RBMS3: variants seen among roughly 807,000 people sequenced by gnomAD.
The protein encoded by RBMS3 is RNA-binding motif, single-stranded-interacting protein 3.
In RBMS3, 27 loss-of-function variants were observed where a neutral mutation model predicts 66.8. The ratio of observed to expected loss-of-function variants is 0.40; its 90% CI spans 0.30 to 0.56. The LOEUF is 0.56. Among genes scored for constraint, RBMS3 ranks in the 20% least tolerant of loss-of-function variants. The pLI, the probability that RBMS3 is intolerant of heterozygous loss-of-function variation, is 0.40. For synonymous variants in RBMS3, 188 were observed against 183.0 expected, an observed-to-expected ratio of 1.03 and a Z score of -0.22; for missense variants, 513 against 549.5, an observed-to-expected ratio of 0.93 and a Z score of 0.66.
At chr3:29,961,497 C>G (rs992920063) in intron 12 of RBMS3, among the ~76,000 whole-genome samples, 1 of 152,128 alleles carries the variant, frequency 6.6e-6, no homozygotes, top group Non-Finnish European at 1.5e-5. Context: ...TACCAATTTA[C>G]TATACTAGTC....
intron 12 of RBMS3, among the ~76,000 whole-genome samples, chr3:29,985,810 C>T (rs1191990567): frequency 4.6e-5 from 7 of 152,124 alleles, no homozygotes; most frequent in African/African-American, 1.7e-4. Flanking sequence ...TTGCCAACTA[C>T]CCCCAATGCT....
At chr3:29,886,802 T>C (rs1463768125) in intron 8 of RBMS3, among the ~76,000 whole-genome samples, 2 of 151,710 alleles carry the variant, frequency 1.3e-5, no homozygotes, top group African/African-American at 4.8e-5. Flanking sequence ...TAAGAGGATA[T>C]TAAAATAGTA....
At chr3:29,655,278 C>T (rs931328396) in intron 4 of RBMS3, among the ~76,000 whole-genome samples, 1 of 152,070 alleles carries the variant, frequency 6.6e-6, no homozygotes, top group South Asian at 2.1e-4. Context: ...TTTAGCTCCC[C>T]GTCTGCAGGG....
intron 3 of RBMS3, among the ~76,000 whole-genome samples, chr3:29,492,001 AAAAAG>A (rs1402666878): frequency 6.6e-6 from 1 of 152,134 alleles, no homozygotes; most frequent in African/African-American, 2.4e-5. Flanking sequence ...TCGAAAAAAA[AAAAAG>A]AAATTGGACA....
chr3:29,740,829 C>G (rs2054606179), intron 5 of RBMS3, among the ~76,000 whole-genome samples: 1 of 152,054 alleles, frequency 6.6e-6, no homozygotes, highest in South Asian at 2.1e-4. Flanking sequence ...ATCACAAGGT[C>G]AGGAGTTCGA....
intron 2 of RBMS3, among the ~76,000 whole-genome samples, chr3:29,467,746 T>C (rs1415800441): frequency 2.0e-5 from 3 of 152,170 alleles, no homozygotes; most frequent in Admixed American, 6.5e-5. Context: ...AGTAATCTAG[T>C]AGAAATAGGA....
At chr3:29,562,347 A>C (rs1401675160) in intron 3 of RBMS3, among the ~76,000 whole-genome samples, 2 of 152,150 alleles carry the variant, frequency 1.3e-5, no homozygotes, top group Admixed American at 1.3e-4. Flanking sequence ...GAGAAGCTGA[A>C]AATCTGATTC....
At position 29,783,081 on chromosome 3, in the gene RBMS3, G is replaced by A. The variant is rs532786189; in HGVS notation, c.637+20092G>A. Among the ~76,000 whole-genome samples, 25 of 152,274 alleles carry A rather than the reference G, an allele frequency of 1.6e-4. No homozygotes were observed. The South Asian group carries it at 1.9e-3, about 11-fold the overall frequency. On this transcript the variant is annotated intron_variant, in intron 6 of 14. Coordinates refer to ENST00000383767, the MANE Select transcript of RBMS3 (RefSeq NM_001003793.3). Reference sequence around the variant, plus strand: ...ATGTCCAAACCTAAGAATAATTGGCGTTCCTGAGGAAGAAGAGAAACCTAA... The same window carrying A: ...ATGTCCAAACCTAAGAATAATTGGCATTCCTGAGGAAGAAGAGAAACCTAA...
At position 29,928,396 on chromosome 3, in the gene RBMS3, A is replaced by G. The variant is rs9863813; in HGVS notation, c.940-7690A>G. Reference sequence around the variant, plus strand: ...AAAAAAGTATAGAAGGAGCTGAAATATATTTGATTAATCAATTCATTTTTA... The same window carrying G: ...AAAAAAGTATAGAAGGAGCTGAAATGTATTTGATTAATCAATTCATTTTTA... On this transcript the variant is annotated intron_variant, in intron 10 of 14. Transcript: ENST00000383767. Among the ~76,000 whole-genome samples the G allele has an allele frequency of 7.1e-3, 1,079 of 151,874 alleles. 16 individuals carry two copies. Among genetic ancestry groups the G allele is most frequent in the African/African-American group, 0.025 (1,029 of 41,442 alleles).
At chr3:29,440,029 C>T (rs748497192) in intron 2 of RBMS3, among the ~76,000 whole-genome samples, 12 of 152,008 alleles carry the variant, frequency 7.9e-5, no homozygotes, top group Admixed American at 2.6e-4. Context: ...TTTTTTGAGC[C>T]AGATAAAATA....
rs1218393454 is a variant in RBMS3, at chr3:29,691,947, C to CTCTCTCTG, written c.400-47772_400-47771insCTCTCTGT. 2.6e-4 allele frequency among the ~76,000 whole-genome samples: 14 copies of CTCTCTCTG among 53,538 alleles called. 1 individual carries two copies. The South Asian group carries it at 8.3e-3, about 32-fold the overall frequency. 35.1% of individuals were successfully genotyped at this position (53,538 alleles called of 152,430 possible). A position where few individuals can be genotyped will look rare whatever the true frequency, so the allele number is the denominator to read the frequency against. On this transcript the variant is annotated intron_variant, in intron 4 of 14. Transcript: ENST00000383767. ...GTGTGACCCTTCTCTCTCTCTCTCTCTATTTTTTTTTTTTTTTTTTGAGAT... is the reference window on the plus strand; with the variant it reads ...GTGTGACCCTTCTCTCTCTCTCTCTCTCTCTCTGTATTTTTTTTTTTTTTTTTTGAGAT...
chr3:29,411,347 G>C (rs2040258235), intron 1 of RBMS3, among the ~76,000 whole-genome samples: 3 of 152,196 alleles, frequency 2.0e-5, no homozygotes, highest in Non-Finnish European at 4.4e-5. Context: ...CAGAAAGATA[G>C]ATATTTCCTC....
chr3:29,408,204 G>C (rs57299749), intron 1 of RBMS3, among the ~76,000 whole-genome samples: 15,315 of 149,458 alleles, frequency 0.1, 1,124 homozygotes, highest in East Asian at 0.28. Context: ...CCCGGGAGGC[G>C]GAGCTTGCAG....
intron 10 of RBMS3, among the ~76,000 whole-genome samples, chr3:29,923,364 A>C (rs1015300802): frequency 1.3e-5 from 2 of 152,240 alleles, no homozygotes; most frequent in Admixed American, 1.3e-4. Flanking sequence ...CACAATAGGG[A>C]TAAGCAAAAA....
chr3:29,952,704 A>G (rs1252027861), intron 12 of RBMS3, among the ~76,000 whole-genome samples: 2 of 151,738 alleles, frequency 1.3e-5, no homozygotes, highest in South Asian at 2.1e-4. Flanking sequence ...GCCACCCAAG[A>G]TATTGTTTAT....
intron 3 of RBMS3, among the ~76,000 whole-genome samples, chr3:29,566,023 A>G (rs1553622924): frequency 6.6e-6 from 1 of 152,192 alleles, no homozygotes; most frequent in Non-Finnish European, 1.5e-5. Flanking sequence ...GAAGTTATAT[A>G]TGTGACCAAA....
chr3:29,816,874 G>A (rs145553988), intron 6 of RBMS3, among the ~76,000 whole-genome samples: 2 of 151,944 alleles, frequency 1.3e-5, no homozygotes, highest in East Asian at 1.9e-4. Flanking sequence ...GGTGGATCAC[G>A]AGGTCAGGAG....
intron 3 of RBMS3, among the ~76,000 whole-genome samples, chr3:29,508,349 C>G (rs1291989299): frequency 6.6e-6 from 1 of 152,152 alleles, no homozygotes; most frequent in African/African-American, 2.4e-5. Context: ...TATACCTCCC[C>G]TATCCCTCCA....
chr3:29,830,667 A>G (rs537327694), intron 6 of RBMS3, among the ~76,000 whole-genome samples: 1 of 152,146 alleles, frequency 6.6e-6, no homozygotes, highest in East Asian at 1.9e-4. Context: ...TTTCATTTTT[A>G]TTTCTGTAAA....
Sources: gnomAD v4.1 joint callset for allele counts (sites outside exome capture counted in the v4.1 genomes callset) on GRCh38, gnomAD v4.1.1 for gene constraint, MANE v1.5 for transcripts, NCBI Gene and HGNC (gene_info 2026-07-23, HGNC 2026-07-21) for gene names.